Variants in ZNHIT6 observed in about 807,000 individuals in gnomAD.
The protein encoded by ZNHIT6 is zinc finger HIT-type containing 6, also known as box C/D snoRNA protein 1.
A neutral mutation model predicts 57.2 loss-of-function variants in ZNHIT6; 45 were observed. The observed-to-expected ratio is 0.79, with a 90% CI of 0.62 to 1.01. The LOEUF (loss-of-function observed/expected upper bound fraction) is 1.01. ZNHIT6 is among the 50% of genes least tolerant of loss of function. The pLI is 0.00. For missense variants in ZNHIT6, 528 were observed against 567.3 expected, an observed-to-expected ratio of 0.93 and a Z score of 0.70; for synonymous variants, 188 against 190.0, an observed-to-expected ratio of 0.99 and a Z score of 0.09.
Position 85,698,290 on chromosome 1 carries a change from T to A in ZNHIT6, c.1019+3867A>T, listed in dbSNP as rs17128084. 9.4e-3 allele frequency among the ~76,000 whole-genome samples: 1,428 copies of A among 152,190 alleles called. 58 individuals are homozygous for A. The highest frequency in any genetic ancestry group is 0.063 in the Admixed American group (959 of 15,288). On this transcript the variant is annotated intron_variant, in intron 5 of 9. Coordinates refer to ENST00000370574, the MANE Select transcript of ZNHIT6 (RefSeq NM_017953.4). The stretch of plus-strand genomic sequence containing the variant: ...ACTTATTCTTAGAAAAATTCACACA[T>A]CACATAATTTCACATATAATTTTAG...
Position 85,707,901 on chromosome 1 carries a change from T to G in ZNHIT6, c.384A>C (p.Lys128Asn). 1 of 1,614,086 alleles carries G rather than the reference T, an allele frequency of 6.2e-7. No homozygotes were observed. The change falls in exon 1 of 10, where the codon AAA becomes AAC. Residue 128 changes from lysine (K) to asparagine (N), a missense_variant. Coordinates refer to ENST00000370574, the MANE Select transcript of ZNHIT6 (RefSeq NM_017953.4). ...KQETDSSLVV[K>N]EAKVGEPEVK... is the part of the protein sequence containing the mutation. ...CCTCTGGTTCACCCACCTTCGCTTC[T>G]TTTACCACTAAACTACTATCCGTCT... is the stretch of plus-strand genomic sequence containing the variant.
In ZNHIT6 at chr1:85,708,349, G is replaced by A; in HGVS notation, c.-65C>T. 6.6e-7 allele frequency: 1 copy of A among 1,519,190 alleles called. No homozygotes were observed. Among genetic ancestry groups the A allele is most frequent in the South Asian group, 1.3e-5 (1 of 78,526 alleles). 94.1% of individuals were successfully genotyped at this position (1,519,190 alleles called of 1,614,324 possible). A position where few individuals can be genotyped will look rare whatever the true frequency, so the allele number is the denominator to read the frequency against. On this transcript the variant is annotated 5_prime_UTR_variant, in exon 1 of 10. Coordinates refer to ENST00000370574, the MANE Select transcript of ZNHIT6 (RefSeq NM_017953.4). ...CAATGTGGCTGCTGCACACCAATAG[G>A]AGGAATTACCGGTCGGAATACCTAC... is the stretch of plus-strand genomic sequence containing the variant.
intron 5 of ZNHIT6, among the ~76,000 whole-genome samples, chr1:85,690,763 C>CA (rs1662192706): frequency 6.6e-6 from 1 of 152,176 alleles, no homozygotes; most frequent in Non-Finnish European, 1.5e-5. Flanking sequence ...GGGTAGCTCA[C>CA]ACCTGTAATC....
rs770872289 is a variant in ZNHIT6, at chr1:85,708,151, C to G, written c.134G>C (p.Gly45Ala). 83 of 1,614,192 alleles carry G rather than the reference C, an allele frequency of 5.1e-5. 5 individuals carry two copies. In the South Asian group the frequency reaches 8.6e-4, roughly 17 times the overall value. The change falls in exon 1 of 10, where the codon GGA becomes GCA. Residue 45 changes from glycine to alanine, a missense_variant. Transcript: ENST00000370574. ...CCCTGTCAGCCCTGTCCCCTCCTCT[C>G]CGCCGCCGAACTCCTCCGCCCCTGC... ...DLAGAEEFGG[G>A]EEGTGLTGIK...
chr1:85,686,833 C>A (rs1662054417), intron 5 of ZNHIT6, among the ~76,000 whole-genome samples: 1 of 152,126 alleles, frequency 6.6e-6, no homozygotes, highest in Non-Finnish European at 1.5e-5. Flanking sequence ...GTTAAGTGGA[C>A]TTTGCGTTTG....
In ZNHIT6 at chr1:85,677,358, T is replaced by C. The variant is rs1426010051; in HGVS notation, c.1170-45A>G. 11 of 1,511,500 alleles carry C rather than the reference T, an allele frequency of 7.3e-6. No homozygotes were observed. The East Asian group carries it at 2.0e-4, about 28-fold the overall frequency. 93.6% of individuals were successfully genotyped at this position (1,511,500 alleles called of 1,614,324 possible). On this transcript the variant is annotated intron_variant, in intron 7 of 9. Coordinates refer to ENST00000370574, the MANE Select transcript of ZNHIT6 (RefSeq NM_017953.4). ...TTGAAGGAAAAGCTGATTTTTAATATATTTCAAGATAGTCTTATGGAGACT... is the reference window on the plus strand; with the variant it reads ...TTGAAGGAAAAGCTGATTTTTAATACATTTCAAGATAGTCTTATGGAGACT...
At chr1:85,687,114 A>G (rs1448707173) in intron 5 of ZNHIT6, among the ~76,000 whole-genome samples, 1 of 151,060 alleles carries the variant, frequency 6.6e-6, no homozygotes, top group Non-Finnish European at 1.5e-5. Context: ...TACTAAAAAT[A>G]CAAAAAACAA....
rs1218676016 is a variant in ZNHIT6, at chr1:85,653,654, T to C, written c.*404A>G. On this transcript the variant is annotated 3_prime_UTR_variant, in exon 10 of 10. Coordinates refer to ENST00000370574, the MANE Select transcript of ZNHIT6 (RefSeq NM_017953.4). ...AGCTGAGTGTGGTGGTACCAGCCTG[T>C]TGGGAGGCTGCAGTGAGAGGACCAT... The C allele has an allele frequency of 6.5e-6, 1 of 154,924 alleles. No homozygotes were observed. Among genetic ancestry groups the C allele is most frequent in the East Asian group, 1.9e-4 (1 of 5,352 alleles). 9.6% of individuals were successfully genotyped at this position (154,924 alleles called of 1,614,324 possible).
At chr1:85,655,989 A>C (rs1345441427) in intron 9 of ZNHIT6, among the ~76,000 whole-genome samples, 1 of 152,204 alleles carries the variant, frequency 6.6e-6, no homozygotes, top group African/African-American at 2.4e-5. Context: ...GACAACTTGT[A>C]CTATAAACTC....
At chr1:85,679,808 C>T (rs1280553236) in intron 6 of ZNHIT6, among the ~76,000 whole-genome samples, 1 of 152,104 alleles carries the variant, frequency 6.6e-6, no homozygotes, top group East Asian at 1.9e-4. Context: ...TGGTCTCTAA[C>T]TCCTGGCCAA....
At chr1:85,682,510 T>C (rs1661909345) in intron 5 of ZNHIT6, among the ~76,000 whole-genome samples, 1 of 152,168 alleles carries the variant, frequency 6.6e-6, no homozygotes, top group Admixed American at 6.5e-5. Context: ...ACACCCTGAA[T>C]ACATTCAGAA....
intron 8 of ZNHIT6, among the ~76,000 whole-genome samples, chr1:85,674,945 G>A (rs1661659213): frequency 1.3e-5 from 2 of 152,248 alleles, no homozygotes; most frequent in South Asian, 2.1e-4. Flanking sequence ...TATAGTATAG[G>A]ACACACTGCT....
In ZNHIT6 at chr1:85,707,732, C is replaced by T. The variant is rs1385017021; in HGVS notation, c.553G>A (p.Glu185Lys). ...ELMHGECVKE[E>K]KDFLKKEIVD... ...ATTTCTTTCTTCAGGAAATCCTTCTCTTCTTTTACACACTCTCCATGCATC... is the reference window on the plus strand; with the variant it reads ...ATTTCTTTCTTCAGGAAATCCTTCTTTTCTTTTACACACTCTCCATGCATC... The change falls in exon 1 of 10, where the codon GAG (glutamate) becomes AAG (lysine). Residue 185 changes from glutamate (E) to lysine (K), a missense_variant. Coordinates refer to ENST00000370574, the MANE Select transcript of ZNHIT6 (RefSeq NM_017953.4). The T allele has an allele frequency of 1.9e-6, 3 of 1,613,508 alleles. No individual in the cohort carries two copies. The highest frequency in any genetic ancestry group is 4.5e-5 in the East Asian group (2 of 44,864).
intron 8 of ZNHIT6, among the ~76,000 whole-genome samples, chr1:85,664,530 C>A (rs942926390): frequency 1.3e-5 from 2 of 152,116 alleles, no homozygotes; most frequent in African/African-American, 4.8e-5. Context: ...CAAACTAATG[C>A]AGGACAGAAA....
intron 9 of ZNHIT6, among the ~76,000 whole-genome samples, chr1:85,655,058 A>C (rs1006680123): frequency 2.0e-5 from 3 of 152,184 alleles, no homozygotes; most frequent in Non-Finnish European, 4.4e-5. Context: ...AATGGTGTTT[A>C]CTGAGCCCTT....
intron 4 of ZNHIT6, among the ~76,000 whole-genome samples, chr1:85,704,072 TA>T (rs1350091790): frequency 2.6e-5 from 4 of 152,150 alleles, no homozygotes; most frequent in African/African-American, 7.2e-5. Context: ...AAAACCACAA[TA>T]AAATTACAAA....
chr1:85,676,012 A>G lies in ZNHIT6; in HGVS notation c.1247+1224T>C, dbSNP rs1661690569. 3.3e-5 allele frequency among the ~76,000 whole-genome samples: 5 copies of G among 152,128 alleles called. No homozygotes were observed. The South Asian group carries it at 1.0e-3, about 32-fold the overall frequency. On this transcript the variant is annotated intron_variant, in intron 8 of 9. Transcript: ENST00000370574. ...CGGGCTGGTTTGATCTTCTATCCAGACCACTAAAACTTTCTCCCTATCAGC... is the reference window on the plus strand; with the variant it reads ...CGGGCTGGTTTGATCTTCTATCCAGGCCACTAAAACTTTCTCCCTATCAGC...
At position 85,708,230 on chromosome 1, in the gene ZNHIT6, C is replaced by G; in HGVS notation, c.55G>C (p.Ala19Pro). The part of the protein sequence containing the change: ...GKSGGGLHSV[A>P]EGVRLSPEPG... ...TCTGGACTTAGCCGCACCCCCTCAG[C>G]TACGCTGTGGAGACCTCCCCCAGAC... Residue 19 changes from alanine to proline, a missense_variant, in exon 1 of 10, where the codon GCT becomes CCT. Ala to Pro is a conservative substitution (Grantham distance 27). Transcript: ENST00000370574. 6.2e-7 allele frequency: 1 copy of G among 1,613,348 alleles called. No homozygotes were observed. Among genetic ancestry groups the G allele is most frequent in the Non-Finnish European group, 8.5e-7 (1 of 1,179,444 alleles).
At chr1:85,690,653 G>T (rs1368373445) in intron 5 of ZNHIT6, among the ~76,000 whole-genome samples, 1 of 152,102 alleles carries the variant, frequency 6.6e-6, no homozygotes, top group Non-Finnish European at 1.5e-5. Context: ...TGAGAATAAG[G>T]TCATTGACTT....
Sources: allele counts gnomAD v4.1 joint callset (sites outside exome capture counted in the v4.1 genomes callset), GRCh38; gene constraint gnomAD v4.1.1; transcripts MANE v1.5; gene names NCBI Gene and HGNC (gene_info 2026-07-23, HGNC 2026-07-21).